CNTN4: variants seen among roughly 807,000 people sequenced by gnomAD.
The protein encoded by CNTN4 is contactin-4.
In CNTN4, 77 loss-of-function variants were observed where a neutral mutation model predicts 122.5. The ratio of observed to expected loss-of-function variants is 0.63; its 90% confidence interval spans 0.52 to 0.76. The LOEUF (loss-of-function observed/expected upper bound fraction) is 0.76, where lower values mean the gene tolerates loss of function less well. CNTN4 is among the 30% of genes least tolerant of loss of function. CNTN4 has a pLI of 0.00. For missense variants in CNTN4, 1,256 were observed against 1,259.1 expected (o/e 1.00, Z 0.04); for synonymous variants, 512 against 447.0 (o/e 1.15, Z -1.83).
At chr3:2,291,713 ATATTTTATTT>A (rs201150571) in intron 2 of CNTN4, among the ~76,000 whole-genome samples, 2 of 151,796 alleles carry the variant, frequency 1.3e-5, no homozygotes, top group African/African-American at 4.8e-5. Context: ...TTGAACTATA[ATATTTTATTT>A]TATTTTATTT....
intron 3 of CNTN4, among the ~76,000 whole-genome samples, chr3:2,513,105 C>T (rs2076937301): frequency 6.6e-6 from 1 of 152,110 alleles, no homozygotes; most frequent in Admixed American, 6.5e-5. Context: ...AGCAAACAGT[C>T]CCAGGGCTGT....
At chr3:3,027,088 C>A (rs1446050510) in intron 15 of CNTN4, among the ~76,000 whole-genome samples, 3 of 152,106 alleles carry the variant, frequency 2.0e-5, no homozygotes, top group Non-Finnish European at 2.9e-5. Flanking sequence ...ATCTGTCCAC[C>A]CCCTTTACGT....
At chr3:2,173,622 T>C (rs368253531) in intron 2 of CNTN4, among the ~76,000 whole-genome samples, 2 of 152,164 alleles carry the variant, frequency 1.3e-5, no homozygotes, top group African/African-American at 4.8e-5. Context: ...GGTTATACTA[T>C]GGCAAGTATG....
intron 4 of CNTN4, among the ~76,000 whole-genome samples, chr3:2,634,621 G>C (rs1354346462): frequency 1.3e-5 from 2 of 151,000 alleles, no homozygotes; most frequent in Non-Finnish European, 1.5e-5. Flanking sequence ...ATGAGGTCAG[G>C]AGATCGAGAC....
chr3:2,954,422 G>T (rs529101447), intron 13 of CNTN4, among the ~76,000 whole-genome samples: 1 of 152,010 alleles, frequency 6.6e-6, no homozygotes, highest in African/African-American at 2.4e-5. Context: ...ATATTAAATT[G>T]TCATTGTGTC....
At chr3:2,740,699 T>TA (rs1329564864) in intron 5 of CNTN4, among the ~76,000 whole-genome samples, 1 of 152,042 alleles carries the variant, frequency 6.6e-6, no homozygotes, top group Non-Finnish European at 1.5e-5. Context: ...AAAAAACAAA[T>TA]ATATATGTCA....
intron 2 of CNTN4, among the ~76,000 whole-genome samples, chr3:2,295,908 T>C (rs1482478850): frequency 6.6e-6 from 1 of 152,216 alleles, no homozygotes; most frequent in African/African-American, 2.4e-5. Flanking sequence ...CTAGCCAGTT[T>C]TCCCAGCACC....
At chr3:2,736,441 A>T in intron 5 of CNTN4, 100 bp downstream of exon 5, 1 of 662,666 alleles carries the variant, frequency 1.5e-6, no homozygotes, top group Non-Finnish European at 2.1e-6. Context: ...GCTTTTATTT[A>T]TTTATTTTAT....
chr3:2,985,482 C>T (rs567300555), intron 13 of CNTN4: 1 of 152,966 alleles, frequency 6.5e-6, no homozygotes, highest in East Asian at 1.9e-4. Context: ...TTCCCTGAGG[C>T]TCCATATGCT....
intron 4 of CNTN4, among the ~76,000 whole-genome samples, chr3:2,616,424 T>A (rs1456013943): frequency 6.6e-6 from 1 of 152,186 alleles, no homozygotes; most frequent in East Asian, 1.9e-4. Context: ...TTGTGAATAG[T>A]GCTGAAATAA....
chr3:2,746,861 T>C (rs992850995), intron 6 of CNTN4, among the ~76,000 whole-genome samples: 1 of 152,240 alleles, frequency 6.6e-6, no homozygotes, highest in African/African-American at 2.4e-5. Context: ...AGGAGAATAA[T>C]ATGTGTGATT....
chr3:3,043,151 A>G lies in CNTN4; in HGVS notation c.2686A>G (p.Thr896Ala). ...CTCTAGTGCAACAGTCAATGTGACA[A>G]CCCGAAAGCCACGTAAGAACAGACT... ...GPSSATVNVT[T>A]RKPPPSQPPG... Residue 896 changes from threonine (T) to alanine (A), a missense_variant, in exon 22 of 25, where the codon ACC becomes GCC. Transcript: ENST00000418658. The G allele has an allele frequency of 1.2e-6, 2 of 1,614,142 alleles. No homozygotes were observed. Among genetic ancestry groups the G allele is most frequent in the African/African-American group, 2.7e-5 (2 of 75,052 alleles).
intron 2 of CNTN4, among the ~76,000 whole-genome samples, chr3:2,120,073 A>T (rs2033620859): frequency 6.6e-6 from 1 of 151,934 alleles, no homozygotes; most frequent in Non-Finnish European, 1.5e-5. Flanking sequence ...ACAGCATGTA[A>T]GGGGCAGTAG....
chr3:2,326,403 C>CTGA, intron 2 of CNTN4, among the ~76,000 whole-genome samples: 1 of 151,898 alleles, frequency 6.6e-6, no homozygotes, highest in Non-Finnish European at 1.5e-5. Flanking sequence ...CTCTCCTGGG[C>CTGA]CTCTAACTTG....
chr3:2,986,513 C>G (rs1394322068), intron 13 of CNTN4, among the ~76,000 whole-genome samples: 1 of 152,192 alleles, frequency 6.6e-6, no homozygotes, highest in African/African-American at 2.4e-5. Flanking sequence ...TAGATCTGGA[C>G]CGGGTCTTCA....
intron 3 of CNTN4, among the ~76,000 whole-genome samples, chr3:2,509,585 C>T (rs2076826745): frequency 6.6e-6 from 1 of 152,112 alleles, no homozygotes; most frequent in Admixed American, 6.5e-5. Context: ...TGATAATGGG[C>T]ACAGAAGGGT....
At chr3:2,368,864 T>C (rs971913739) in intron 3 of CNTN4, among the ~76,000 whole-genome samples, 3 of 152,184 alleles carry the variant, frequency 2.0e-5, no homozygotes, top group Admixed American at 1.3e-4. Context: ...GGATGGTGAA[T>C]TAAACTTTCA....
chr3:2,220,281 C>A (rs917845317), intron 2 of CNTN4, among the ~76,000 whole-genome samples: 8 of 152,160 alleles, frequency 5.3e-5, no homozygotes, highest in African/African-American at 1.9e-4. Flanking sequence ...CTTATCACCA[C>A]CTGCCTTGTG....
chr3:2,135,842 A>C (rs2034667639), intron 2 of CNTN4, among the ~76,000 whole-genome samples: 1 of 152,242 alleles, frequency 6.6e-6, no homozygotes, highest in Non-Finnish European at 1.5e-5. Flanking sequence ...GAGAGACTAG[A>C]GAGGCAAGCC....
Sources: allele counts gnomAD v4.1 joint callset (sites outside exome capture counted in the v4.1 genomes callset), GRCh38; gene constraint gnomAD v4.1.1; transcripts MANE v1.5; gene names NCBI Gene and HGNC (gene_info 2026-07-23, HGNC 2026-07-21).